Variants in WDR81 observed in about 807,000 individuals in gnomAD.
WDR81 encodes WD repeat-containing protein 81.
In WDR81, 92 loss-of-function variants were observed where a neutral mutation model predicts 140.8. The ratio of observed to expected loss-of-function variants is 0.65; its 90% CI spans 0.55 to 0.78. WDR81 has a LOEUF of 0.78. Ranked by LOEUF, WDR81 falls within the 30% of genes least tolerant of loss-of-function variation. The probability of loss-of-function intolerance (pLI) is 0.00; values close to 1 mark genes in which losing one functional copy is unlikely to be tolerated. For synonymous variants in WDR81, 1,183 were observed against 1,156.4 expected (o/e 1.02, Z -0.47); for missense variants, 2,502 against 2,636.4 (o/e 0.95, Z 1.12).
chr17:1,735,640 G>T lies in WDR81; in HGVS notation c.5248G>T (p.Ala1750Ser), dbSNP rs150784268. ...CCTGACTGCGGTGGCTGTCATGCCCGCCCCCCACACCAGCATCACCATGGC... is the reference window on the plus strand; with the variant it reads ...CCTGACTGCGGTGGCTGTCATGCCCTCCCCCCACACCAGCATCACCATGGC... Reference protein sequence around the residue: ...VPLTAVAVMPAPHTSITMASS... With the variant: ...VPLTAVAVMPSPHTSITMASS... Residue 1750 changes from alanine (A) to serine (S), a missense_variant, in exon 8 of 10, where the codon GCC becomes TCC. Ala to Ser is a moderately conservative substitution (Grantham distance 99). Coordinates refer to ENST00000409644, the MANE Select transcript of WDR81 (RefSeq NM_001163809.2). This position sits in a 1 kb window ranked among gnomAD's most constrained non-coding sequence, Gnocchi z 4.2. 2 of 1,612,638 alleles carry T rather than the reference G, an allele frequency of 1.2e-6. No individual in the cohort carries two copies. Among genetic ancestry groups the T allele is most frequent in the Non-Finnish European group, 1.7e-6 (2 of 1,179,898 alleles).
intron 1 of WDR81, chr17:1,717,300 G>T (rs961230585): frequency 6.6e-6 from 1 of 152,590 alleles, no homozygotes; most frequent in Non-Finnish European, 1.5e-5. Context: ...AAAAGCTGCT[G>T]GTCGGCGTTT....
At chr17:1,721,542 T>C (rs972500976), upstream of WDR81, among the ~76,000 whole-genome samples, 4 of 150,486 alleles carry the variant, frequency 2.7e-5, no homozygotes, top group Admixed American at 6.6e-5. Flanking sequence ...AAAAAATCAC[T>C]CGGGCACCAT....
At position 1,737,937 on chromosome 17, in the gene WDR81, T is replaced by G; in HGVS notation, c.*252T>G. On this transcript the variant is annotated 3_prime_UTR_variant, in exon 10 of 10. Transcript: ENST00000409644. Reference sequence around the variant, plus strand: ...CACAGGGCTCCTAGCAAGCAGGAAGTTAAGAGCAGGAGGAAGCGTTGCTAC... The same window carrying G: ...CACAGGGCTCCTAGCAAGCAGGAAGGTAAGAGCAGGAGGAAGCGTTGCTAC... 1 of 583,650 alleles carries G rather than the reference T, an allele frequency of 1.7e-6. No individual in the cohort carries two copies. Among genetic ancestry groups the G allele is most frequent in the Non-Finnish European group, 3.0e-6 (1 of 331,160 alleles). 36.2% of individuals were successfully genotyped at this position (583,650 alleles called of 1,614,324 possible). A position where few individuals can be genotyped will look rare whatever the true frequency, so the allele number is the denominator to read the frequency against.
At position 1,727,467 on chromosome 17, in the gene WDR81, A is replaced by G; in HGVS notation, c.2508A>G (p.Gly836=). The G allele has an allele frequency of 6.5e-7, 1 of 1,550,214 alleles. No individual in the cohort carries two copies. The highest frequency in any genetic ancestry group is 8.7e-7 in the Non-Finnish European group (1 of 1,146,924). ...LQMSGPEVPM[G]AERGKLDQLF... ...TGAGTGGCCCCGAAGTCCCCATGGG[A>G]GCAGAGAGGGGCAAGCTGGACCAAC... Residue 836 remains glycine, a synonymous_variant, in exon 1 of 10, where the codon GGA becomes GGG. Coordinates refer to ENST00000409644, the MANE Select transcript of WDR81 (RefSeq NM_001163809.2).
At position 1,736,078 on chromosome 17, in the gene WDR81, G is replaced by A. The variant is rs1160634489; in HGVS notation, c.5365G>A (p.Val1789Ile). The A allele has an allele frequency of 6.2e-7, 1 of 1,601,440 alleles. No homozygotes were observed. Among genetic ancestry groups the A allele is most frequent in the East Asian group, 2.2e-5 (1 of 44,888 alleles). ...GGGCGGTGGGCTGAACCCTGGGCTT[G>A]TCCGTGCCCTGGCCATCAGCCCCAG... is the stretch of plus-strand genomic sequence containing the variant. Reference protein sequence around the residue: ...RLGGGLNPGLVRALAISPSGR... With the variant: ...RLGGGLNPGLIRALAISPSGR... The change falls in exon 9 of 10, where the codon GTC becomes ATC. Residue 1789 changes from valine to isoleucine, a missense_variant. Transcript: ENST00000409644.
Position 1,737,410 on chromosome 17 carries a change from T to C in WDR81, c.5551T>C (p.Leu1851=), listed in dbSNP as rs555464391. 8 of 1,612,888 alleles carry C rather than the reference T, an allele frequency of 5.0e-6. No homozygotes were observed. In the South Asian group the frequency reaches 8.8e-5, roughly 18 times the overall value. ...VLVSSSSDHS[L]TVWKELEQKP... ...GGTCAGCTCCTCCTCTGACCATTCC[T>C]TGACCGTCTGGAAGGAGCTGGAGCA... is the stretch of plus-strand genomic sequence containing the variant. The change falls in exon 10 of 10, where the codon TTG becomes CTG. Residue 1851 remains leucine (L), a synonymous_variant. Coordinates refer to ENST00000409644, the MANE Select transcript of WDR81 (RefSeq NM_001163809.2).
chr17:1,730,251 A>C, intron 1 of WDR81, 129 bp from the exon 2 acceptor site: 1 of 701,204 alleles, frequency 1.4e-6, no homozygotes, highest in Non-Finnish European at 2.3e-6. Context: ...GGTGTGGGAC[A>C]GCCGGCCCGG....
In WDR81 at chr17:1,727,708, A is replaced by G; in HGVS notation, c.2749A>G (p.Thr917Ala). The change falls in exon 1 of 10, where the codon ACC becomes GCC. Residue 917 changes from threonine (T) to alanine (A), a missense_variant. Physicochemically the swap from Thr to Ala is moderately conservative, Grantham distance 58. This residue lies in a region of WDR81 where 1,737 missense variants were observed against 1,843.0 expected (regional missense o/e 0.94). Coordinates refer to ENST00000409644, the MANE Select transcript of WDR81 (RefSeq NM_001163809.2). ...QQLGAVLKDITPEGLEILLPF... is the reference protein window; with the variant it reads ...QQLGAVLKDIAPEGLEILLPF... ...GCTGGGCGCGGTGCTGAAGGACATCACCCCTGAGGGCCTGGAGATCCTGCT... is the reference window on the plus strand; with the variant it reads ...GCTGGGCGCGGTGCTGAAGGACATCGCCCCTGAGGGCCTGGAGATCCTGCT... 6.5e-7 allele frequency: 1 copy of G among 1,550,180 alleles called. No homozygotes were observed. The highest frequency in any genetic ancestry group is 8.7e-7 in the Non-Finnish European group (1 of 1,146,868).
At chr17:1,721,179 T>G (rs547602821), upstream of WDR81, among the ~76,000 whole-genome samples, 1 of 152,246 alleles carries the variant, frequency 6.6e-6, no homozygotes, top group African/African-American at 2.4e-5. Context: ...GGCTCACGAC[T>G]GTAATCCCAG....
upstream of WDR81, among the ~76,000 whole-genome samples, chr17:1,720,426 G>A (rs1567714212): frequency 1.3e-5 from 2 of 152,174 alleles, no homozygotes; most frequent in Admixed American, 6.5e-5. Context: ...GAATTACCTC[G>A]CGTACTTGTT....
chr17:1,736,271 C>T, intron 9 of WDR81, 53 bp downstream of exon 9: 1 of 1,558,910 alleles, frequency 6.4e-7, no homozygotes. Flanking sequence ...CCCTGTCCAG[C>T]CATCACCCCT....
intron 7 of WDR81, 60 bp downstream of exon 7, chr17:1,734,276 G>T (rs1904658987): frequency 6.8e-7 from 1 of 1,467,574 alleles, no homozygotes; most frequent in South Asian, 1.4e-5. Flanking sequence ...CAGGCCTCCA[G>T]GAAGGGGGCC....
intron 1 of WDR81, chr17:1,716,690 G>A: frequency 1.3e-6 from 2 of 1,535,180 alleles, no homozygotes; most frequent in Non-Finnish European, 1.8e-6. Context: ...TCCTTAAAGG[G>A]CGACAGCCCC....
chr17:1,736,291 C>T, intron 9 of WDR81, 73 bp downstream of exon 9: 1 of 1,513,758 alleles, frequency 6.6e-7, no homozygotes, highest in Non-Finnish European at 8.8e-7. Flanking sequence ...TGCTTAGGGT[C>T]TGCCTGCCCG....
intron 6 of WDR81, 41 bp downstream of exon 6, chr17:1,732,872 GTC>G: frequency 2.6e-6 from 4 of 1,558,204 alleles, no homozygotes; most frequent in Non-Finnish European, 3.5e-6. Flanking sequence ...CTTCGTGGCT[GTC>G]TCCTCCCTTG....
upstream of WDR81, among the ~76,000 whole-genome samples, chr17:1,720,701 G>A (rs1914817221): frequency 6.6e-6 from 1 of 151,398 alleles, no homozygotes; most frequent in African/African-American, 2.4e-5. Context: ...GGCGGTGAAG[G>A]TTGCAGTGAG....
rs1416436523 is a variant in WDR81, at chr17:1,725,622, T to A, written c.663T>A (p.Ala221=). The A allele has an allele frequency of 3.2e-5, 50 of 1,545,534 alleles. No homozygotes were observed. Among genetic ancestry groups the A allele is most frequent in the Non-Finnish European group, 4.4e-5 (50 of 1,146,972 alleles). The change falls in exon 1 of 10, where the codon GCT becomes GCA. Residue 221 remains alanine (A), a synonymous_variant. Coordinates refer to ENST00000409644, the MANE Select transcript of WDR81 (RefSeq NM_001163809.2). ...CTGCTTGCCCTAGTCTTTTACGGGC[T>A]GAGGCCTTGCTGGAGTCGCCGGAGA... ...GSPACPSLLR[A]EALLESPEML...
chr17:1,717,722 T>A (rs1373817865), intron 1 of WDR81, among the ~76,000 whole-genome samples: 1 of 152,232 alleles, frequency 6.6e-6, no homozygotes, highest in Non-Finnish European at 1.5e-5. Flanking sequence ...TGTGATTGTA[T>A]GATCTTTCTT....
chr17:1,724,708 G>A lies in WDR81; in HGVS notation c.-252G>A, dbSNP rs1915093696. 1 of 1,087,768 alleles carries A rather than the reference G, an allele frequency of 9.2e-7. No homozygotes were observed. The highest frequency in any genetic ancestry group is 1.1e-6 in the Non-Finnish European group (1 of 897,344). 67.4% of individuals were successfully genotyped at this position (1,087,768 alleles called of 1,614,324 possible). On this transcript the variant is annotated 5_prime_UTR_variant, in exon 1 of 10. Coordinates refer to ENST00000409644, the MANE Select transcript of WDR81 (RefSeq NM_001163809.2). The stretch of plus-strand genomic sequence containing the variant: ...GGCGATCACGTGACCCGCGTCAGCT[G>A]ACCCGTCACGGTGGAGCCCGGTGCT...
Sources: allele counts gnomAD v4.1 joint callset (sites outside exome capture counted in the v4.1 genomes callset), GRCh38; gene constraint gnomAD v4.1.1; regional missense constraint gnomAD v4.1.1; non-coding constraint Gnocchi (gnomAD v3.1); transcripts MANE v1.5; gene names NCBI Gene and HGNC (gene_info 2026-07-23, HGNC 2026-07-21).